The following DOCK9 variants were observed in gnomAD, a reference collection of about 807,000 sequenced individuals.
DOCK9 encodes dedicator of cytokinesis 9.
Under a neutral mutation model 263.3 loss-of-function variants are expected in DOCK9, and 89 were observed. The observed-to-expected ratio is 0.34, with a 90% confidence interval of 0.28 to 0.40. The LOEUF (loss-of-function observed/expected upper bound fraction) is 0.40, where lower values mean the gene tolerates loss of function less well. Ranked by LOEUF, DOCK9 falls within the 10% of genes least tolerant of loss-of-function variation. The pLI, the probability that DOCK9 is intolerant of heterozygous loss-of-function variation, is 1.00. For synonymous variants in DOCK9, 976 were observed against 973.1 expected (o/e 1.00, Z -0.06); for missense variants, 2,140 against 2,603.4 (o/e 0.82, Z 3.87).
intron 45 of DOCK9, among the ~76,000 whole-genome samples, chr13:98,823,121 A>AT (rs1318057318): frequency 6.8e-6 from 1 of 147,176 alleles, no homozygotes; most frequent in Non-Finnish European, 1.5e-5. Flanking sequence ...AAAAAAGGAT[A>AT]TTTTTTCCAA....
At chr13:98,965,182 G>A (rs2059075321) in intron 1 of DOCK9, among the ~76,000 whole-genome samples, 1 of 152,100 alleles carries the variant, frequency 6.6e-6, no homozygotes, top group African/African-American at 2.4e-5. Context: ...GAGGAGGGGT[G>A]GAGAGACACA....
At chr13:98,874,184 G>A (rs1324562660) in intron 27 of DOCK9, among the ~76,000 whole-genome samples, 1 of 152,208 alleles carries the variant, frequency 6.6e-6, no homozygotes, top group Non-Finnish European at 1.5e-5. Context: ...GGGCTGCTCT[G>A]CGCTCTGTAG....
intron 1 of DOCK9, among the ~76,000 whole-genome samples, chr13:98,994,490 G>T (rs1369098372): frequency 6.6e-6 from 1 of 152,170 alleles, no homozygotes; most frequent in East Asian, 1.9e-4. Flanking sequence ...CAGTGCTAAG[G>T]CTGAGAAATG....
At chr13:98,939,623 C>G (rs981425180) in intron 2 of DOCK9, among the ~76,000 whole-genome samples, 1 of 152,180 alleles carries the variant, frequency 6.6e-6, no homozygotes, top group Admixed American at 6.5e-5. Flanking sequence ...GCTCAGGAGA[C>G]GGACGGACCT....
intron 7 of DOCK9, among the ~76,000 whole-genome samples, chr13:98,919,462 T>G (rs1311579719): frequency 6.6e-6 from 1 of 152,218 alleles, no homozygotes; most frequent in Non-Finnish European, 1.5e-5. Context: ...GGTAAACATG[T>G]AAATATGTAA....
chr13:99,053,304 AT>A (rs1451849562), intron 1 of DOCK9, among the ~76,000 whole-genome samples: 6 of 152,204 alleles, frequency 3.9e-5, no homozygotes, highest in Non-Finnish European at 7.3e-5. Flanking sequence ...AAGAAGATAA[AT>A]TTTGTCACTC....
At chr13:98,933,404 A>C (rs2054271888) in intron 2 of DOCK9, among the ~76,000 whole-genome samples, 1 of 152,176 alleles carries the variant, frequency 6.6e-6, no homozygotes, top group African/African-American at 2.4e-5. Context: ...AAATTATTAA[A>C]CAGAATCCTG....
intron 2 of DOCK9, among the ~76,000 whole-genome samples, chr13:98,936,400 G>C (rs1285083710): frequency 1.3e-5 from 2 of 152,092 alleles, no homozygotes; most frequent in Non-Finnish European, 2.9e-5. Flanking sequence ...TGGGAGGACT[G>C]CTTGAGACCA....
In DOCK9 at chr13:98,898,387, A is replaced by T. The variant is rs2047752370; in HGVS notation, c.1504-126T>A. On this transcript the variant is annotated intron_variant, in intron 13 of 52. Transcript: ENST00000682017. ...TAGCATTGGATGCATAGAAAAGCAC[A>T]TCATACAGTAATGAATATGGCTGGA... The T allele has an allele frequency of 7.4e-6, 5 of 676,164 alleles. No homozygotes were observed. The Admixed American group carries it at 1.2e-4, about 16-fold the overall frequency. 41.9% of individuals were successfully genotyped at this position (676,164 alleles called of 1,614,324 possible).
At chr13:98,947,151 A>G (rs1295997500) in intron 2 of DOCK9, among the ~76,000 whole-genome samples, 1 of 152,138 alleles carries the variant, frequency 6.6e-6, no homozygotes, top group African/African-American at 2.4e-5. Flanking sequence ...GTAGATTCCC[A>G]TGGGACTAGA....
Position 98,794,401 on chromosome 13 carries a change from C to T in DOCK9, c.*225G>A. 3.6e-6 allele frequency: 2 copies of T among 559,084 alleles called. No homozygotes were observed. 34.6% of individuals were successfully genotyped at this position (559,084 alleles called of 1,614,324 possible). ...AGTGTCTACCACACCTTTGTTAAGA[C>T]ACAATGAAAACTTTGAATATTGCCA... On this transcript the variant is annotated 3_prime_UTR_variant, in exon 53 of 53. Transcript: ENST00000682017.
chr13:99,081,940 A>G (rs1313751595), intron 1 of DOCK9, among the ~76,000 whole-genome samples: 1 of 152,198 alleles, frequency 6.6e-6, no homozygotes. Context: ...CACTACTTTT[A>G]TAAAAGCAGC....
At chr13:98,948,631 A>T (rs967556321) in intron 2 of DOCK9, among the ~76,000 whole-genome samples, 8 of 152,200 alleles carry the variant, frequency 5.3e-5, no homozygotes, top group African/African-American at 1.9e-4. Flanking sequence ...TTTTTCAACC[A>T]TCACCACCAT....
At position 98,825,510 on chromosome 13, in the gene DOCK9, T is replaced by C. The variant is rs957857296; in HGVS notation, c.5024-1006A>G. Among the ~76,000 whole-genome samples, 4 of 152,186 alleles carry C rather than the reference T, an allele frequency of 2.6e-5. No individual in the cohort carries two copies. Among genetic ancestry groups the C allele is most frequent in the Non-Finnish European group, 4.4e-5 (3 of 68,032 alleles). On this transcript the variant is annotated intron_variant, in intron 44 of 52. Coordinates refer to ENST00000682017, the MANE Select transcript of DOCK9 (RefSeq NM_001366683.2). This position sits in a 1 kb window ranked among gnomAD's most constrained non-coding sequence, Gnocchi z 4.1. The stretch of plus-strand genomic sequence containing the variant: ...ATGGATTATCCAGCATCTGCCACTA[T>C]CCCAGTTTAGTTTTTATTTTGTTAT...
At chr13:99,005,126 C>T (rs1363480247) in intron 1 of DOCK9, among the ~76,000 whole-genome samples, 9 of 151,780 alleles carry the variant, frequency 5.9e-5, no homozygotes, top group South Asian at 4.2e-4. Context: ...GCAGCTGCCA[C>T]GCTGGAATTT....
chr13:98,877,410 TTGTA>T (rs2044034584), intron 27 of DOCK9, among the ~76,000 whole-genome samples: 1 of 152,212 alleles, frequency 6.6e-6, no homozygotes, highest in Non-Finnish European at 1.5e-5. Flanking sequence ...TTGAATATCC[TTGTA>T]TGTATTCCTG....
At chr13:98,975,302 C>T (rs980942814) in intron 1 of DOCK9, among the ~76,000 whole-genome samples, 2 of 151,218 alleles carry the variant, frequency 1.3e-5, no homozygotes, top group Admixed American at 1.3e-4. Flanking sequence ...ACGGAGGTTG[C>T]AGTGGGCCGA....
At chr13:98,902,577 T>A (rs189801468) in intron 11 of DOCK9, 86 bp from the exon 12 acceptor site, 1 of 1,278,656 alleles carries the variant, frequency 7.8e-7, no homozygotes, top group Non-Finnish European at 1.1e-6. Context: ...TGACAAGACC[T>A]ATTTAGGACT....
intron 1 of DOCK9, among the ~76,000 whole-genome samples, chr13:99,063,438 C>T (rs989537723): frequency 2.6e-5 from 4 of 152,222 alleles, no homozygotes; most frequent in African/African-American, 4.8e-5. Flanking sequence ...CAAACACCTT[C>T]CTCCACCCTG....
Sources: gnomAD v4.1 joint callset for allele counts (sites outside exome capture counted in the v4.1 genomes callset) on GRCh38, gnomAD v4.1.1 for gene constraint, Gnocchi (gnomAD v3.1) non-coding constraint, MANE v1.5 for transcripts, NCBI Gene and HGNC (gene_info 2026-07-23, HGNC 2026-07-21) for gene names.